Variants in CTNNA3 observed in about 807,000 individuals in gnomAD.
The protein encoded by CTNNA3 is catenin alpha 3.
A neutral mutation model predicts 95.7 loss-of-function variants in CTNNA3; 76 were observed. That is an observed-to-expected ratio of 0.79 (90% CI 0.66 to 0.96). The LOEUF (loss-of-function observed/expected upper bound fraction) is 0.96. CTNNA3 is among the 40% of genes least tolerant of loss of function. The probability of loss-of-function intolerance (pLI) is 0.00; values close to 1 mark genes in which losing one functional copy is unlikely to be tolerated. For missense variants in CTNNA3, 1,191 were observed against 1,089.8 expected (o/e 1.09, Z -1.31); for synonymous variants, 431 against 374.4 (o/e 1.15, Z -1.74).
chr10:66,455,681 C>T (rs1162222563), intron 11 of CTNNA3, among the ~76,000 whole-genome samples: 1 of 152,162 alleles, frequency 6.6e-6, no homozygotes, highest in Non-Finnish European at 1.5e-5. Context: ...AGTCCACATG[C>T]TGCTACTGTG....
intron 9 of CTNNA3, among the ~76,000 whole-genome samples, chr10:66,678,235 T>A (rs1188382781): frequency 6.6e-6 from 1 of 152,156 alleles, no homozygotes; most frequent in Non-Finnish European, 1.5e-5. Context: ...GGCCATCTGC[T>A]CCCTGACCTA....
At position 66,000,308 on chromosome 10, in the gene CTNNA3, C is replaced by T. The variant is rs187607377; in HGVS notation, c.2160-11511G>A. ...CATCTCATTTCTGGCATTCATTCTC[C>T]TTCCTCCTTTCTCTTTTGATTAAAA... On this transcript the variant is annotated intron_variant, in intron 15 of 17. Coordinates refer to ENST00000433211, the MANE Select transcript of CTNNA3 (RefSeq NM_013266.4). Among the ~76,000 whole-genome samples, 15 of 152,202 alleles carry T rather than the reference C, an allele frequency of 9.9e-5. No homozygotes were observed. The East Asian group carries it at 2.9e-3, about 29-fold the overall frequency.
intron 13 of CTNNA3, among the ~76,000 whole-genome samples, chr10:66,123,028 C>A (rs2082650517): frequency 1.3e-5 from 2 of 152,224 alleles, no homozygotes; most frequent in Admixed American, 1.3e-4. Flanking sequence ...TCTCAGTCCT[C>A]ACATTTAAAA....
intron 1 of CTNNA3, among the ~76,000 whole-genome samples, chr10:67,738,960 A>G (rs530843471): frequency 6.6e-6 from 1 of 152,198 alleles, no homozygotes; most frequent in Non-Finnish European, 1.5e-5. Flanking sequence ...CCAAATCTAT[A>G]TCTGATTGGT....
intron 11 of CTNNA3, among the ~76,000 whole-genome samples, chr10:66,500,407 G>T (rs138137363): frequency 6.6e-6 from 1 of 152,032 alleles, no homozygotes; most frequent in African/African-American, 2.4e-5. Flanking sequence ...TTCCATGGTA[G>T]TTTTACATAC....
intron 1 of CTNNA3, among the ~76,000 whole-genome samples, chr10:67,650,050 G>A (rs989835255): frequency 9.2e-5 from 14 of 152,090 alleles, no homozygotes; most frequent in African/African-American, 3.1e-4. Flanking sequence ...TGTTGGTCAC[G>A]CTGGTCTTGA....
intron 5 of CTNNA3, among the ~76,000 whole-genome samples, chr10:67,319,832 G>A (rs1157587403): frequency 1.4e-5 from 2 of 143,372 alleles, no homozygotes; most frequent in South Asian, 2.2e-4. Context: ...GGAGGTGGAG[G>A]TTCCAGTGAG....
chr10:67,139,910 C>T (rs180910688), intron 7 of CTNNA3, among the ~76,000 whole-genome samples: 1 of 152,158 alleles, frequency 6.6e-6, no homozygotes, highest in Non-Finnish European at 1.5e-5. Context: ...AAAGGGAAAT[C>T]TCTGAGAAGT....
chr10:67,719,890 G>C (rs996023318), intron 1 of CTNNA3, among the ~76,000 whole-genome samples: 2 of 151,932 alleles, frequency 1.3e-5, no homozygotes, highest in Admixed American at 6.6e-5. Flanking sequence ...GTGTAATATT[G>C]ACAGTGGGGT....
chr10:67,301,936 C>T (rs11814073), intron 5 of CTNNA3, among the ~76,000 whole-genome samples: 18,981 of 119,288 alleles, frequency 0.16, 3,574 homozygotes, highest in African/African-American at 0.41. Flanking sequence ...GCCACTGCAC[C>T]CCAGCCTGGG....
chr10:67,045,260 T>C (rs1377289551), intron 7 of CTNNA3, among the ~76,000 whole-genome samples: 1 of 152,140 alleles, frequency 6.6e-6, no homozygotes, highest in Non-Finnish European at 1.5e-5. Context: ...TTTGTGACAG[T>C]AGAGTATAAA....
intron 1 of CTNNA3, among the ~76,000 whole-genome samples, chr10:67,725,473 G>A (rs1367028189): frequency 3.9e-5 from 6 of 151,986 alleles, no homozygotes; most frequent in South Asian, 2.1e-4. Flanking sequence ...CACTGCGCCC[G>A]GCCTTATTGT....
chr10:67,111,888 A>T (rs899117805), intron 7 of CTNNA3, among the ~76,000 whole-genome samples: 109 of 152,104 alleles, frequency 7.2e-4, no homozygotes, highest in Non-Finnish European at 1.0e-3. Flanking sequence ...ACTAGCATTT[A>T]AGCTATTTCA....
intron 9 of CTNNA3, among the ~76,000 whole-genome samples, chr10:66,753,499 C>T (rs145120430): frequency 0.02 from 3,042 of 151,810 alleles, 96 homozygotes; most frequent in African/African-American, 0.069. Flanking sequence ...CCTGTCTCTA[C>T]GAAAAACACA....
intron 13 of CTNNA3, among the ~76,000 whole-genome samples, chr10:66,175,095 A>T (rs1157031206): frequency 2.6e-5 from 4 of 152,058 alleles, no homozygotes; most frequent in African/African-American, 9.7e-5. Flanking sequence ...CTTGGGGTAG[A>T]AGCTACATGA....
chr10:66,552,683 G>C (rs1351425430), intron 10 of CTNNA3, among the ~76,000 whole-genome samples: 1 of 151,078 alleles, frequency 6.6e-6, no homozygotes, highest in South Asian at 2.1e-4. Context: ...GTTTATTTCA[G>C]AGGTTGGAGT....
At chr10:66,213,433 C>G (rs2088300897) in intron 13 of CTNNA3, among the ~76,000 whole-genome samples, 1 of 152,132 alleles carries the variant, frequency 6.6e-6, no homozygotes, top group Non-Finnish European at 1.5e-5. Flanking sequence ...GAATTACTGA[C>G]TACGCTACAT....
chr10:66,886,220 C>T (rs945200500), intron 7 of CTNNA3, among the ~76,000 whole-genome samples: 1 of 152,048 alleles, frequency 6.6e-6, no homozygotes, highest in African/African-American at 2.4e-5. Context: ...TTTTCAATAA[C>T]CCTGTGACTG....
At position 66,489,121 on chromosome 10, in the gene CTNNA3, C is replaced by T. The variant is rs890366642; in HGVS notation, c.1531+31496G>A. 1.2e-4 allele frequency among the ~76,000 whole-genome samples: 18 copies of T among 152,102 alleles called. 1 individual carries two copies. The highest frequency in any genetic ancestry group is 1.0e-3 in the South Asian group (5 of 4,820). On this transcript the variant is annotated intron_variant, in intron 11 of 17. Transcript: ENST00000433211. Reference sequence around the variant, plus strand: ...ACATACACAGGGTGCATTGACGAACCAAGGTTAGATCACTCATCAGAACTG... The same window carrying T: ...ACATACACAGGGTGCATTGACGAACTAAGGTTAGATCACTCATCAGAACTG...
Sources: gnomAD v4.1 joint callset for allele counts (sites outside exome capture counted in the v4.1 genomes callset) on GRCh38, gnomAD v4.1.1 for gene constraint, MANE v1.5 for transcripts, NCBI Gene and HGNC (gene_info 2026-07-23, HGNC 2026-07-21) for gene names.